The following DGKI variants were observed in gnomAD, a reference collection of about 807,000 sequenced individuals.
DGKI encodes the protein diacylglycerol kinase iota.
In DGKI, 55 loss-of-function variants were observed where a neutral mutation model predicts 147.5. That is an observed-to-expected ratio of 0.37 (90% CI 0.30 to 0.47). DGKI has a LOEUF of 0.47. Among genes scored for constraint, DGKI ranks in the 20% least tolerant of loss-of-function variants. DGKI has a pLI of 1.00. For missense variants in DGKI, 1,007 were observed against 1,323.8 expected (o/e 0.76, Z 3.71); for synonymous variants, 469 against 477.1 (o/e 0.98, Z 0.22).
chr7:137,722,730 T>G lies in DGKI; in HGVS notation c.402-32728A>C, dbSNP rs576948850. 1.9e-6 allele frequency: 3 copies of G among 1,579,004 alleles called. No individual in the cohort carries two copies. In the South Asian group the frequency reaches 3.3e-5, roughly 18 times the overall value. On this transcript the variant is annotated intron_variant, in intron 1 of 32. Transcript: ENST00000614521. Reference sequence around the variant, plus strand: ...ATGAGATTACGGAGCAGTGCAAGATTGAGCAGAAAGCTGTGGACTCACAAA... The same window carrying G: ...ATGAGATTACGGAGCAGTGCAAGATGGAGCAGAAAGCTGTGGACTCACAAA...
At chr7:137,487,745 A>G (rs1166638390) in intron 21 of DGKI, 56 bp from the exon 22 acceptor site, 2 of 1,480,490 alleles carry the variant, frequency 1.4e-6, no homozygotes, top group Non-Finnish European at 1.9e-6. Flanking sequence ...TTTCTATATC[A>G]GCATAAATGT....
At chr7:137,718,440 C>T (rs1348662376) in intron 1 of DGKI, among the ~76,000 whole-genome samples, 3 of 152,082 alleles carry the variant, frequency 2.0e-5, no homozygotes, top group Non-Finnish European at 4.4e-5. Context: ...AGAAGGGAAC[C>T]GCAGCCAGGG....
intron 12 of DGKI, among the ~76,000 whole-genome samples, chr7:137,597,610 G>A (rs1212078280): frequency 6.6e-6 from 1 of 151,968 alleles, no homozygotes; most frequent in Non-Finnish European, 1.5e-5. Context: ...CTACTTCATG[G>A]CACACAAAAG....
chr7:137,412,115 T>C lies in DGKI; in HGVS notation c.2799+55A>G, dbSNP rs2303347. On this transcript the variant is annotated intron_variant, in intron 29 of 32. Coordinates refer to ENST00000614521, the MANE Select transcript of DGKI (RefSeq NM_001321708.2). ...AACATAGAGTTTTGATGAGGAATGA[T>C]GTTGATTTAAAGTTCTTAAAGCATC... The C allele has an allele frequency of 7.4e-5, 109 of 1,479,742 alleles. No individual in the cohort carries two copies. The East Asian group carries it at 2.3e-3, about 32-fold the overall frequency. 91.7% of individuals were successfully genotyped at this position (1,479,742 alleles called of 1,614,324 possible).
intron 32 of DGKI, among the ~76,000 whole-genome samples, 193 bp downstream of exon 32, chr7:137,395,405 G>A (rs1408614714): frequency 1.3e-5 from 2 of 152,300 alleles, no homozygotes; most frequent in Admixed American, 6.5e-5. Context: ...GCAAGCACAC[G>A]CCCTCCCTTT....
At chr7:137,589,109 G>A (rs1278878272) in intron 12 of DGKI, among the ~76,000 whole-genome samples, 1 of 152,188 alleles carries the variant, frequency 6.6e-6, no homozygotes, top group Non-Finnish European at 1.5e-5. Flanking sequence ...GGAACCTGTG[G>A]AGATGAAGAA....
intron 31 of DGKI, among the ~76,000 whole-genome samples, chr7:137,396,560 G>A (rs61393767): frequency 0.012 from 1,805 of 152,286 alleles, 31 homozygotes; most frequent in African/African-American, 0.041. Flanking sequence ...AGGATGTGCT[G>A]GCATGTGGAC....
At chr7:137,591,864 A>G (rs1819629211) in intron 12 of DGKI, among the ~76,000 whole-genome samples, 1 of 152,210 alleles carries the variant, frequency 6.6e-6, no homozygotes, top group Non-Finnish European at 1.5e-5. Context: ...TTCTCCACTT[A>G]AAGTTGAGCC....
intron 19 of DGKI, among the ~76,000 whole-genome samples, chr7:137,569,798 C>T (rs1373603537): frequency 5.0e-5 from 7 of 138,666 alleles, no homozygotes; most frequent in Non-Finnish European, 1.1e-4. Flanking sequence ...TATATCCTTC[C>T]TAAACTTAAT....
Position 137,415,182 on chromosome 7 carries a change from G to A in DGKI, c.2762-2975C>T, listed in dbSNP as rs561677077. Among the ~76,000 whole-genome samples the A allele has an allele frequency of 1.3e-4, 20 of 152,238 alleles. No homozygotes were observed. In the South Asian group the frequency reaches 3.7e-3, roughly 28 times the overall value. On this transcript the variant is annotated intron_variant, in intron 28 of 32. Coordinates refer to ENST00000614521, the MANE Select transcript of DGKI (RefSeq NM_001321708.2). ...CTGCGTTGAAGGACAAGGAAGGAGA[G>A]GCTGGGGAAAGTAAAGCCAGCCCTC...
At chr7:137,702,376 C>T (rs1824013643) in intron 1 of DGKI, among the ~76,000 whole-genome samples, 1 of 152,144 alleles carries the variant, frequency 6.6e-6, no homozygotes, top group Non-Finnish European at 1.5e-5. Flanking sequence ...TTACTCAGCA[C>T]CTCCTTCCTA....
intron 1 of DGKI, among the ~76,000 whole-genome samples, chr7:137,761,437 G>A (rs775233167): frequency 6.6e-5 from 10 of 152,320 alleles, no homozygotes; most frequent in South Asian, 2.1e-4. Flanking sequence ...TGGTTATTGT[G>A]GTGATTAAAT....
At chr7:137,663,209 G>T (rs1341640834) in intron 3 of DGKI, among the ~76,000 whole-genome samples, 1 of 152,198 alleles carries the variant, frequency 6.6e-6, no homozygotes, top group Non-Finnish European at 1.5e-5. Context: ...ACAGGAGGAA[G>T]CTTCTGTCCT....
chr7:137,655,389 G>A lies in DGKI; in HGVS notation c.682-601C>T, dbSNP rs182977664. Among the ~76,000 whole-genome samples the A allele has an allele frequency of 6.9e-3, 1,044 of 152,078 alleles. 12 individuals carry two copies. The highest frequency in any genetic ancestry group is 0.024 in the African/African-American group (980 of 41,472). ...AATTTTTTGTATTTTTAGTAGAGAC[G>A]GGGTTTCACCGTGTTAGCCAGGATG... On this transcript the variant is annotated intron_variant, in intron 4 of 32. Coordinates refer to ENST00000614521, the MANE Select transcript of DGKI (RefSeq NM_001321708.2).
intron 1 of DGKI, among the ~76,000 whole-genome samples, chr7:137,694,307 G>A (rs1201518962): frequency 3.4e-5 from 5 of 148,028 alleles, no homozygotes; most frequent in East Asian, 4.0e-4. Flanking sequence ...GGGCGACAGC[G>A]AGACTCCGTC....
At chr7:137,788,681 C>A (rs188683042) in intron 1 of DGKI, among the ~76,000 whole-genome samples, 4 of 137,336 alleles carry the variant, frequency 2.9e-5, no homozygotes, top group Admixed American at 1.4e-4. Flanking sequence ...CACACACACA[C>A]CTCCATCCCC....
intron 1 of DGKI, among the ~76,000 whole-genome samples, chr7:137,805,653 G>A (rs1255442789): frequency 3.3e-5 from 5 of 152,180 alleles, no homozygotes; most frequent in African/African-American, 9.7e-5. Flanking sequence ...AAGCTTTCCC[G>A]AGCTCAAAAA....
At chr7:137,397,327 T>C (rs1433872833) in intron 31 of DGKI, 50 bp downstream of exon 31, 2 of 1,541,028 alleles carry the variant, frequency 1.3e-6, no homozygotes, top group African/African-American at 2.7e-5. Flanking sequence ...TTCTCCCAGA[T>C]ATGTTCTGAA....
At chr7:137,600,023 C>T in intron 10 of DGKI, 118 bp from the exon 11 acceptor site, 1 of 866,412 alleles carries the variant, frequency 1.2e-6, no homozygotes, top group Non-Finnish European at 1.8e-6. Context: ...GTGGCACACG[C>T]CTGTAATCCC....
Sources: gnomAD v4.1 joint callset for allele counts (sites outside exome capture counted in the v4.1 genomes callset) on GRCh38, gnomAD v4.1.1 for gene constraint, MANE v1.5 for transcripts, NCBI Gene and HGNC (gene_info 2026-07-23, HGNC 2026-07-21) for gene names.